The following GLP1R variants were observed in gnomAD, a reference collection of about 807,000 sequenced individuals.
GLP1R encodes glucagon-like peptide 1 receptor.
A neutral mutation model predicts 68.4 loss-of-function variants in GLP1R; 32 were observed. The observed-to-expected ratio is 0.47, with a 90% CI of 0.35 to 0.63. GLP1R has a LOEUF of 0.63. Ranked by LOEUF, GLP1R falls within the 20% of genes least tolerant of loss-of-function variation. The pLI is 0.00. For missense variants in GLP1R, 502 were observed against 594.9 expected (o/e 0.84, Z 1.62); for synonymous variants, 263 against 244.4 (o/e 1.08, Z -0.71).
In GLP1R at chr6:39,078,959, G is replaced by A. The variant is rs1304693608; in HGVS notation, c.887G>A (p.Cys296Tyr). 1 of 1,613,834 alleles carries A rather than the reference G, an allele frequency of 6.2e-7. No homozygotes were observed. The highest frequency in any genetic ancestry group is 8.5e-7 in the Non-Finnish European group (1 of 1,179,754). Residue 296 changes from cysteine to tyrosine, a missense_variant and splice_region_variant, in exon 9 of 13, where the codon TGC (cysteine) becomes TAC (tyrosine). Cys to Tyr is a radical substitution (Grantham distance 194). Transcript: ENST00000373256. ...IVKYLYEDEG[C>Y]WTRNSNMNYW... is the part of the protein sequence containing the mutation. ...TGTGCATCTCTCTCCCTCCCCAGCT[G>A]CTGGACCAGGAACTCCAACATGAAC... is the stretch of plus-strand genomic sequence containing the variant.
At position 39,079,810 on chromosome 6, in the gene GLP1R, G is replaced by A; in HGVS notation, c.1182+108G>A. On this transcript the variant is annotated intron_variant, in intron 11 of 12. Transcript: ENST00000373256. This position sits in a 1 kb window ranked among gnomAD's most constrained non-coding sequence, Gnocchi z 4.5. ...AAAGGTGGGAAGACTGGGACCTGGA[G>A]GGGTGATCCCTGCCCAAAGTCACCT... is the stretch of plus-strand genomic sequence containing the variant. The A allele has an allele frequency of 9.6e-7, 1 of 1,044,156 alleles. No individual in the cohort carries two copies. The highest frequency in any genetic ancestry group is 1.4e-6 in the Non-Finnish European group (1 of 700,348). 64.7% of individuals were successfully genotyped at this position (1,044,156 alleles called of 1,614,324 possible).
chr6:39,064,657 C>G (rs1768449706), intron 3 of GLP1R, among the ~76,000 whole-genome samples: 1 of 152,184 alleles, frequency 6.6e-6, no homozygotes, highest in Non-Finnish European at 1.5e-5. Flanking sequence ...GCAGTGGCCT[C>G]TATCAGCCTC....
At chr6:39,078,263 G>A in intron 7 of GLP1R, 59 bp from the exon 8 acceptor site, 3 of 1,254,662 alleles carry the variant, frequency 2.4e-6, no homozygotes, top group East Asian at 2.3e-5. Flanking sequence ...GCCTCGGCAT[G>A]TAGACTGTGG....
chr6:39,070,116 GAGA>G (rs1247138274), intron 5 of GLP1R, among the ~76,000 whole-genome samples: 1 of 152,208 alleles, frequency 6.6e-6, no homozygotes. Flanking sequence ...TCCCATTCTT[GAGA>G]GCAGAGCCCT....
rs931380919 is a variant in GLP1R at position 39,088,956 on chromosome 6, G to A, written c.*2883G>A. ...AGACAAGCCCTTTTCTCTCAGTCTA[G>A]TGAGGCCTCTGGGAAGGATAGGTGA... On this transcript the variant is annotated 3_prime_UTR_variant, in exon 13 of 13. Transcript: ENST00000373256. Among the ~76,000 whole-genome samples the A allele has an allele frequency of 6.6e-6, 1 of 152,228 alleles. No individual in the cohort carries two copies. Among genetic ancestry groups the A allele is most frequent in the South Asian group, 2.1e-4 (1 of 4,834 alleles).
intron 1 of GLP1R, among the ~76,000 whole-genome samples, chr6:39,052,231 A>G (rs914703727): frequency 3.3e-5 from 5 of 151,806 alleles, no homozygotes; most frequent in Admixed American, 6.6e-5. Context: ...GCCCTTAGGG[A>G]AAAAAAATGG....
At chr6:39,074,075 G>A (rs1481673946) in intron 7 of GLP1R, among the ~76,000 whole-genome samples, 2 of 152,186 alleles carry the variant, frequency 1.3e-5, no homozygotes, top group Non-Finnish European at 2.9e-5. Flanking sequence ...AAGACCACAT[G>A]GGGACATAAG....
intron 1 of GLP1R, among the ~76,000 whole-genome samples, chr6:39,054,234 C>T (rs912301001): frequency 5.9e-5 from 9 of 152,114 alleles, no homozygotes; most frequent in Non-Finnish European, 1.3e-4. Flanking sequence ...CACCTTTATA[C>T]TCCCTGCATT....
chr6:39,085,009 G>A (rs1769108651), intron 12 of GLP1R, among the ~76,000 whole-genome samples: 1 of 152,138 alleles, frequency 6.6e-6, no homozygotes, highest in African/African-American at 2.4e-5. Flanking sequence ...GAAAGCAAAT[G>A]TATGGGAACA....
chr6:39,079,897 G>C lies in GLP1R; in HGVS notation c.1182+195G>C, dbSNP rs1768949018. On this transcript the variant is annotated intron_variant, in intron 11 of 12. Coordinates refer to ENST00000373256, the MANE Select transcript of GLP1R (RefSeq NM_002062.5). The surrounding 1 kb of genome is among the most constrained non-coding windows in gnomAD (Gnocchi z 4.5). ...CCCAATACCTGGGCCAGTCTTCTCT[G>C]TAAGCACATGGGACAAGAAGCCTTC... Among the ~76,000 whole-genome samples, 1 of 152,202 alleles carries C rather than the reference G, an allele frequency of 6.6e-6. No homozygotes were observed. Among genetic ancestry groups the C allele is most frequent in the Non-Finnish European group, 1.5e-5 (1 of 68,038 alleles).
In GLP1R at chr6:39,079,255, C is replaced by A; in HGVS notation, c.1043+55C>A. The stretch of plus-strand genomic sequence containing the variant: ...ACCCTCAGCAAGTGCCCCTTTCCTT[C>A]TAGCAGAGAGAGAGAGAGAGATCCT... On this transcript the variant is annotated intron_variant, in intron 10 of 12. Transcript: ENST00000373256. This position sits in a 1 kb window ranked among gnomAD's most constrained non-coding sequence, Gnocchi z 4.5. 1 of 1,229,702 alleles carries A rather than the reference C, an allele frequency of 8.1e-7. No individual in the cohort carries two copies. The highest frequency in any genetic ancestry group is 1.2e-6 in the Non-Finnish European group (1 of 829,942). The allele number at this position is 1,229,702 out of a possible 1,614,324, so 76.2% of individuals were successfully genotyped here.
chr6:39,084,702 G>A (rs1056854711), intron 12 of GLP1R, among the ~76,000 whole-genome samples: 1 of 152,204 alleles, frequency 6.6e-6, no homozygotes, highest in South Asian at 2.1e-4. Context: ...GGTTCATGAC[G>A]CTGCATGGGA....
Position 39,049,388 on chromosome 6 carries a change from C to T in GLP1R, c.78+470C>T, listed in dbSNP as rs1475288766. ...ACCTGCTCAAAGACCCTGAGAAGAC[C>T]CTGGGAGGAGCTGAGAGGGCCAGGG... On this transcript the variant is annotated intron_variant, in intron 1 of 12. Transcript: ENST00000373256. This position sits in a 1 kb window ranked among gnomAD's most constrained non-coding sequence, Gnocchi z 4.5. Among the ~76,000 whole-genome samples, 2 of 152,138 alleles carry T rather than the reference C, an allele frequency of 1.3e-5. No individual in the cohort carries two copies. The highest frequency in any genetic ancestry group is 2.9e-5 in the Non-Finnish European group (2 of 68,024).
At chr6:39,068,853 A>G (rs527413091) in intron 5 of GLP1R, among the ~76,000 whole-genome samples, 1 of 152,364 alleles carries the variant, frequency 6.6e-6, no homozygotes, top group Non-Finnish European at 1.5e-5. Context: ...AGATCTCTGA[A>G]GTGCATTCAG....
At position 39,087,368 on chromosome 6, in the gene GLP1R, A is replaced by T. The variant is rs892233581; in HGVS notation, c.*1295A>T. 3 of 152,350 alleles carry T rather than the reference A, an allele frequency of 2.0e-5. No homozygotes were observed. Among genetic ancestry groups the T allele is most frequent in the African/African-American group, 4.8e-5 (2 of 41,466 alleles). The allele number at this position is 152,350 out of a possible 1,614,324, so 9.4% of individuals were successfully genotyped here. ...GCCTCCCCCACAAATAATGAACAGC[A>T]GAAAGACTGGACGGGGAAACCTATC... On this transcript the variant is annotated 3_prime_UTR_variant, in exon 13 of 13. Transcript: ENST00000373256.
intron 1 of GLP1R, among the ~76,000 whole-genome samples, chr6:39,050,108 C>G (rs111529454): frequency 1.4e-4 from 22 of 152,164 alleles, no homozygotes; most frequent in Admixed American, 1.4e-3. Context: ...ATTTTCCAGA[C>G]GCATCCTCTC....
chr6:39,067,284 G>T (rs1768542599), intron 5 of GLP1R, among the ~76,000 whole-genome samples: 1 of 152,166 alleles, frequency 6.6e-6, no homozygotes, highest in Non-Finnish European at 1.5e-5. Context: ...GAACATATTT[G>T]TCTTAGTCTT....
At chr6:39,060,946 A>T (rs2150824516) in intron 3 of GLP1R, among the ~76,000 whole-genome samples, 1 of 152,286 alleles carries the variant, frequency 6.6e-6, no homozygotes, top group African/African-American at 2.4e-5. Context: ...GGGAGGCCAG[A>T]GCCACCCCTT....
At chr6:39,065,965 C>T in intron 4 of GLP1R, 136 bp downstream of exon 4, 3 of 653,800 alleles carry the variant, frequency 4.6e-6, no homozygotes, top group Admixed American at 2.5e-5. Flanking sequence ...GGGCTTTGCA[C>T]ACCATGCTTT....
Sources: allele counts gnomAD v4.1 joint callset (sites outside exome capture counted in the v4.1 genomes callset), GRCh38; gene constraint gnomAD v4.1.1; non-coding constraint Gnocchi (gnomAD v3.1); transcripts MANE v1.5; gene names NCBI Gene and HGNC (gene_info 2026-07-23, HGNC 2026-07-21).